Variants in FAM107B observed in about 807,000 individuals in gnomAD.
FAM107B encodes protein FAM107B.
A neutral mutation model predicts 31.5 loss-of-function variants in FAM107B; 21 were observed. That is an observed-to-expected ratio of 0.67 (90% CI 0.47 to 0.96). The LOEUF is 0.96. Ranked by LOEUF, FAM107B falls within the 40% of genes least tolerant of loss-of-function variation. The pLI is 0.00. For missense variants in FAM107B, 452 were observed against 377.1 expected, an observed-to-expected ratio of 1.20 and a Z score of -1.64; for synonymous variants, 157 against 141.5, an observed-to-expected ratio of 1.11 and a Z score of -0.78.
chr10:14,728,720 A>G (rs1856094225), intron 1 of FAM107B, among the ~76,000 whole-genome samples: 1 of 152,186 alleles, frequency 6.6e-6, no homozygotes, highest in African/African-American at 2.4e-5. Flanking sequence ...GCAAAACACT[A>G]CATACATTGA....
intron 2 of FAM107B, among the ~76,000 whole-genome samples, chr10:14,570,801 CA>C (rs34358962): frequency 2.1e-5 from 3 of 145,424 alleles, no homozygotes; most frequent in Non-Finnish European, 1.5e-5. Context: ...GACTCCATCT[CA>C]AAAAAAAAAG....
chr10:14,737,517 G>C (rs372262231), intron 1 of FAM107B, among the ~76,000 whole-genome samples: 13 of 152,146 alleles, frequency 8.5e-5, no homozygotes, highest in African/African-American at 2.9e-4. Flanking sequence ...GGGAGGCTGA[G>C]GCAGAAGAAT....
intron 2 of FAM107B, among the ~76,000 whole-genome samples, chr10:14,558,017 C>T (rs373417506): frequency 5.9e-5 from 9 of 152,354 alleles, no homozygotes; most frequent in Admixed American, 6.5e-5. Flanking sequence ...AGATCGAATT[C>T]GTCTTTTGAG....
At chr10:14,742,445 C>A (rs761592472) in intron 1 of FAM107B, among the ~76,000 whole-genome samples, 1 of 152,140 alleles carries the variant, frequency 6.6e-6, no homozygotes, top group African/African-American at 2.4e-5. Flanking sequence ...TCAGATGATG[C>A]TAACAAAGTA....
chr10:14,767,055 T>TATATATAGAGAGAG (rs1440609298), intron 1 of FAM107B, among the ~76,000 whole-genome samples: 6 of 18,276 alleles, frequency 3.3e-4, no homozygotes, highest in Admixed American at 8.8e-4. Context: ...TATATATATA[T>TATATATAGAGAGAG]AGAGAGAGAG....
chr10:14,683,067 A>T (rs965689875), intron 1 of FAM107B, among the ~76,000 whole-genome samples: 10 of 152,270 alleles, frequency 6.6e-5, no homozygotes, highest in African/African-American at 2.4e-4. Context: ...TGGCAGGGTG[A>T]AGATGTTGTC....
intron 2 of FAM107B, among the ~76,000 whole-genome samples, chr10:14,565,947 T>C (rs1850628303): frequency 6.6e-6 from 1 of 152,164 alleles, no homozygotes; most frequent in Non-Finnish European, 1.5e-5. Context: ...CAGAGGGCCC[T>C]GTGGAACTCG....
At chr10:14,772,556 T>C (rs550754603) in intron 1 of FAM107B, among the ~76,000 whole-genome samples, 14 of 152,230 alleles carry the variant, frequency 9.2e-5, no homozygotes, top group South Asian at 2.1e-4. Flanking sequence ...TTTCAGTGTT[T>C]GCATTGCATC....
intron 3 of FAM107B, among the ~76,000 whole-genome samples, chr10:14,527,484 G>A (rs1444949730): frequency 6.6e-6 from 1 of 152,222 alleles, no homozygotes; most frequent in Non-Finnish European, 1.5e-5. Context: ...AGAGCTTTGA[G>A]CTAAATTTGT....
intron 1 of FAM107B, among the ~76,000 whole-genome samples, chr10:14,766,932 C>G (rs1374071103): frequency 6.8e-6 from 1 of 146,234 alleles, no homozygotes; most frequent in Non-Finnish European, 1.5e-5. Context: ...GGAACACTTC[C>G]TAATTCATTC....
intron 2 of FAM107B, chr10:14,548,596 G>C (rs1848938608): frequency 1.0e-6 from 1 of 985,324 alleles, no homozygotes; most frequent in Non-Finnish European, 1.2e-6. Context: ...TGGGAAGAAG[G>C]GAAGGCAGAG....
chr10:14,583,301 A>G (rs1851712784), intron 2 of FAM107B, among the ~76,000 whole-genome samples: 1 of 152,062 alleles, frequency 6.6e-6, no homozygotes, highest in Non-Finnish European at 1.5e-5. Flanking sequence ...GGCTAACAGG[A>G]CAGCCTGTGT....
chr10:14,557,396 A>C (rs1849794264), intron 2 of FAM107B, among the ~76,000 whole-genome samples: 1 of 152,200 alleles, frequency 6.6e-6, no homozygotes, highest in African/African-American at 2.4e-5. Context: ...GTCTATAAAC[A>C]TTTTTATTTG....
At chr10:14,734,541 G>A (rs560554852) in intron 1 of FAM107B, among the ~76,000 whole-genome samples, 11 of 142,602 alleles carry the variant, frequency 7.7e-5, no homozygotes, top group Non-Finnish European at 1.4e-4. Context: ...TGTATTTTAT[G>A]TGTGGCCCAA....
At chr10:14,597,045 C>T (rs886198893) in intron 2 of FAM107B, among the ~76,000 whole-genome samples, 3 of 152,192 alleles carry the variant, frequency 2.0e-5, no homozygotes, top group South Asian at 2.1e-4. Flanking sequence ...TCTCTCTTTC[C>T]GATACACTAC....
chr10:14,721,098 T>G (rs1588729881), intron 1 of FAM107B, among the ~76,000 whole-genome samples: 2 of 152,146 alleles, frequency 1.3e-5, no homozygotes, highest in Non-Finnish European at 2.9e-5. Context: ...TGCGGTGTTT[T>G]GTTTTCTGTC....
At chr10:14,773,429 C>G (rs564697163) in intron 1 of FAM107B, among the ~76,000 whole-genome samples, 1 of 152,236 alleles carries the variant, frequency 6.6e-6, no homozygotes, top group Non-Finnish European at 1.5e-5. Context: ...TAAGTCTGGT[C>G]CTAAGCTACT....
intron 2 of FAM107B, among the ~76,000 whole-genome samples, chr10:14,658,765 C>A (rs1179777805): frequency 6.6e-6 from 1 of 152,228 alleles, no homozygotes; most frequent in African/African-American, 2.4e-5. Context: ...TAAATATTCA[C>A]TGAGTGCCTC....
At chr10:14,728,909 C>T (rs1014795677) in intron 1 of FAM107B, among the ~76,000 whole-genome samples, 7 of 152,152 alleles carry the variant, frequency 4.6e-5, no homozygotes, top group African/African-American at 1.7e-4. Flanking sequence ...TATTAATCTG[C>T]CTCGTAATGA....
Sources: gnomAD v4.1 joint callset for allele counts (sites outside exome capture counted in the v4.1 genomes callset) on GRCh38, gnomAD v4.1.1 for gene constraint, MANE v1.5 for transcripts, NCBI Gene and HGNC (gene_info 2026-07-23, HGNC 2026-07-21) for gene names.